FOXN4: variants seen among roughly 807,000 people sequenced by gnomAD.
The protein encoded by FOXN4 is forkhead box protein N4.
In FOXN4, 12 loss-of-function variants were observed where a neutral mutation model predicts 45.0. The observed-to-expected ratio is 0.27, with a 90% confidence interval of 0.17 to 0.43. The LOEUF (loss-of-function observed/expected upper bound fraction) is 0.43, where lower values mean the gene tolerates loss of function less well. Among genes scored for constraint, FOXN4 ranks in the 20% least tolerant of loss-of-function variants. The probability of loss-of-function intolerance (pLI) is 1.00; values close to 1 mark genes in which losing one functional copy is unlikely to be tolerated. For missense variants in FOXN4, 560 were observed against 694.9 expected (o/e 0.81, Z 2.18); for synonymous variants, 297 against 295.0 (o/e 1.01, Z -0.07).
intron 8 of FOXN4, among the ~76,000 whole-genome samples, chr12:109,284,472 C>CGTGTGT (rs1565997958): frequency 1.5e-5 from 2 of 133,810 alleles, no homozygotes; most frequent in Non-Finnish European, 1.6e-5. Context: ...TGTGCGTGTG[C>CGTGTGT]GCACACACTA....
chr12:109,284,120 C>A (rs2047678899), intron 8 of FOXN4, among the ~76,000 whole-genome samples: 1 of 152,254 alleles, frequency 6.6e-6, no homozygotes, highest in Non-Finnish European at 1.5e-5. Context: ...CTAGCCCACA[C>A]TGAGTGTTAC....
chr12:109,307,147 G>T (rs192098366), intron 2 of FOXN4, among the ~76,000 whole-genome samples: 2 of 152,318 alleles, frequency 1.3e-5, no homozygotes, highest in East Asian at 3.9e-4. Context: ...CAGCTTCCAG[G>T]CCCACAGCCC....
intron 8 of FOXN4, among the ~76,000 whole-genome samples, chr12:109,283,650 A>G (rs551392524): frequency 3.2e-4 from 48 of 151,936 alleles, no homozygotes; most frequent in African/African-American, 1.0e-3. Context: ...TAATTTTTGT[A>G]TTTTTAGTAG....
At chr12:109,299,095 T>C (rs552245553) in intron 2 of FOXN4, among the ~76,000 whole-genome samples, 250 of 152,214 alleles carry the variant, frequency 1.6e-3, no homozygotes, top group African/African-American at 5.8e-3. Flanking sequence ...TTTCTCAAAC[T>C]ACGTGGGTGA....
intron 8 of FOXN4, 36 bp from the exon 9 acceptor site, chr12:109,281,835 C>A (rs1408393009): frequency 1.3e-6 from 2 of 1,518,406 alleles, no homozygotes; most frequent in Middle Eastern, 2.5e-4. Flanking sequence ...CAGAACCCAC[C>A]CAGCAGTTAC....
chr12:109,308,038 C>T (rs1171452605), intron 2 of FOXN4, among the ~76,000 whole-genome samples, 198 bp downstream of exon 2: 3 of 152,110 alleles, frequency 2.0e-5, no homozygotes, highest in African/African-American at 7.2e-5. Flanking sequence ...GCAGGCATTT[C>T]GTGGTCCCAC....
At position 109,287,724 on chromosome 12, in the gene FOXN4, G is replaced by A; in HGVS notation, c.468+120C>T. ...CGGAATGAATGACCCCATGACATGA[G>A]CATGGAGGGAATGTTATCCCCATGT... On this transcript the variant is annotated intron_variant, in intron 5 of 9. Transcript: ENST00000299162. The surrounding 1 kb of genome is among the most constrained non-coding windows in gnomAD (Gnocchi z 4.1). 4 of 1,125,420 alleles carry A rather than the reference G, an allele frequency of 3.6e-6. No homozygotes were observed. The allele number at this position is 1,125,420 out of a possible 1,614,324, so 69.7% of individuals were successfully genotyped here.
At position 109,287,388 on chromosome 12, in the gene FOXN4, G is replaced by C. The variant is rs1011074785; in HGVS notation, c.596+9C>G. ...CCTTGGCCCTGACCCGGCCCACCCT[G>C]GACCTCACCTGTACGAGTAGATGGG... On this transcript the variant is annotated intron_variant, in intron 6 of 9. Transcript: ENST00000299162. The surrounding 1 kb of genome is among the most constrained non-coding windows in gnomAD (Gnocchi z 4.1). 2 of 1,551,310 alleles carry C rather than the reference G, an allele frequency of 1.3e-6. No homozygotes were observed. The highest frequency in any genetic ancestry group is 2.7e-5 in the African/African-American group (2 of 73,048).
rs1325288658 is a variant in FOXN4, at chr12:109,291,781, C to T, written c.87-1495G>A. On this transcript the variant is annotated intron_variant, in intron 2 of 9. Coordinates refer to ENST00000299162, the MANE Select transcript of FOXN4 (RefSeq NM_213596.3). The surrounding 1 kb of genome is among the most constrained non-coding windows in gnomAD (Gnocchi z 6.6). ...AGGGCCTGGAAACGATTTGAAAACG[C>T]GGCCGGCCGGCCGTGTCAGTGGCAG... is the stretch of plus-strand genomic sequence containing the variant. Among the ~76,000 whole-genome samples the T allele has an allele frequency of 1.3e-5, 2 of 152,058 alleles. No individual in the cohort carries two copies. The highest frequency in any genetic ancestry group is 1.9e-4 in the East Asian group (1 of 5,158).
At position 109,290,385 on chromosome 12, in the gene FOXN4, T is replaced by G. The variant is rs2047756406; in HGVS notation, c.87-99A>C. The G allele has an allele frequency of 7.1e-7, 1 of 1,403,902 alleles. No individual in the cohort carries two copies. 87.0% of individuals were successfully genotyped at this position (1,403,902 alleles called of 1,614,324 possible). On this transcript the variant is annotated intron_variant, in intron 2 of 9. Transcript: ENST00000299162. This position sits in a 1 kb window ranked among gnomAD's most constrained non-coding sequence, Gnocchi z 5.1. ...GGAAGCACCCGCTTAATGTGCCTCA[T>G]CTCCCCAAGCCACGCCAGCCCTCCA...
At chr12:109,280,854 C>T (rs570649201) in intron 9 of FOXN4, among the ~76,000 whole-genome samples, 37 of 152,310 alleles carry the variant, frequency 2.4e-4, no homozygotes, top group Non-Finnish European at 3.5e-4. Context: ...GATGATCATG[C>T]GGCAAGGCAG....
In FOXN4 at chr12:109,290,322, GAGCTTAGGCC is replaced by G; in HGVS notation, c.87-46_87-37del. The G allele has an allele frequency of 6.6e-7, 1 of 1,517,074 alleles. No individual in the cohort carries two copies. The highest frequency in any genetic ancestry group is 8.9e-7 in the Non-Finnish European group (1 of 1,127,330). 94.0% of individuals were successfully genotyped at this position (1,517,074 alleles called of 1,614,324 possible). ...GAACAGAGAACTCGGGCGGGAGGGG[GAGCTTAGGCC>G]AGCTCCTGGGGGTGCGTCCCGACCT... On this transcript the variant is annotated intron_variant, in intron 2 of 9. Coordinates refer to ENST00000299162, the MANE Select transcript of FOXN4 (RefSeq NM_213596.3). This position sits in a 1 kb window ranked among gnomAD's most constrained non-coding sequence, Gnocchi z 5.1.
At chr12:109,305,496 C>T (rs1307223676) in intron 2 of FOXN4, among the ~76,000 whole-genome samples, 4 of 152,040 alleles carry the variant, frequency 2.6e-5, no homozygotes, top group Admixed American at 2.6e-4. Flanking sequence ...GGAGGGAGGT[C>T]GAGGCAAGTG....
At position 109,285,341 on chromosome 12, in the gene FOXN4, C is replaced by T; in HGVS notation, c.864G>A (p.Lys288=). 2 of 1,613,352 alleles carry T rather than the reference C, an allele frequency of 1.2e-6. No individual in the cohort carries two copies. The highest frequency in any genetic ancestry group is 1.7e-6 in the Non-Finnish European group (2 of 1,179,708). ...MEEEMHKWKR[K]DLAAIHRSMA... is the part of the protein sequence containing the mutation. ...TACTCCGGTGGATGGCAGCCAGGTC[C>T]TTCCTCTTCCACTTGTGCATCTCCT... is the stretch of plus-strand genomic sequence containing the variant. The change falls in exon 8 of 10, where the codon AAG becomes AAA. Residue 288 remains lysine, a synonymous_variant. Coordinates refer to ENST00000299162, the MANE Select transcript of FOXN4 (RefSeq NM_213596.3).
Position 109,288,294 on chromosome 12 carries a change from C to T in FOXN4, c.233-114G>A, listed in dbSNP as rs2136924367. 1.4e-6 allele frequency: 2 copies of T among 1,412,414 alleles called. No homozygotes were observed. The highest frequency in any genetic ancestry group is 1.9e-6 in the Non-Finnish European group (2 of 1,065,606). The allele number at this position is 1,412,414 out of a possible 1,614,324, so 87.5% of individuals were successfully genotyped here. ...ACGGAGCCAGCCCCTTTCCTCGGAC[C>T]AGGCACATAGTAGGTGCTTGGCAAA... On this transcript the variant is annotated intron_variant, in intron 3 of 9. Transcript: ENST00000299162. This position sits in a 1 kb window ranked among gnomAD's most constrained non-coding sequence, Gnocchi z 4.3.
intron 2 of FOXN4, among the ~76,000 whole-genome samples, chr12:109,305,750 C>A (rs377002456): frequency 2.0e-3 from 306 of 152,146 alleles, no homozygotes; most frequent in African/African-American, 6.1e-3. Flanking sequence ...AGTAAAAAAA[C>A]CAAAAACAAA....
intron 2 of FOXN4, among the ~76,000 whole-genome samples, chr12:109,304,273 A>AAGAAAGAG (rs1200731504): frequency 1.2e-5 from 1 of 84,472 alleles, no homozygotes; most frequent in East Asian, 2.7e-4. Context: ...GAAAGAAAGA[A>AAGAAAGAG]AGAAAGAAAG....
Position 109,288,291 on chromosome 12 carries a change from G to T in FOXN4, c.233-111C>A. The T allele has an allele frequency of 7.0e-7, 1 of 1,426,280 alleles. No individual in the cohort carries two copies. Among genetic ancestry groups the T allele is most frequent in the Non-Finnish European group, 9.3e-7 (1 of 1,077,646 alleles). 88.4% of individuals were successfully genotyped at this position (1,426,280 alleles called of 1,614,324 possible). A position where few individuals can be genotyped will look rare whatever the true frequency, so the allele number is the denominator to read the frequency against. ...AGAACGGAGCCAGCCCCTTTCCTCG[G>T]ACCAGGCACATAGTAGGTGCTTGGC... On this transcript the variant is annotated intron_variant, in intron 3 of 9. Coordinates refer to ENST00000299162, the MANE Select transcript of FOXN4 (RefSeq NM_213596.3). This position sits in a 1 kb window ranked among gnomAD's most constrained non-coding sequence, Gnocchi z 4.3.
At chr12:109,284,737 C>G (rs888065106) in intron 8 of FOXN4, among the ~76,000 whole-genome samples, 10 of 151,200 alleles carry the variant, frequency 6.6e-5, no homozygotes, top group African/African-American at 2.4e-4. Flanking sequence ...GCGGCCAGGT[C>G]CTTCCTCTTC....
Sources: allele counts gnomAD v4.1 joint callset (sites outside exome capture counted in the v4.1 genomes callset), GRCh38; gene constraint gnomAD v4.1.1; non-coding constraint Gnocchi (gnomAD v3.1); transcripts MANE v1.5; gene names NCBI Gene and HGNC (gene_info 2026-07-23, HGNC 2026-07-21).